The following EXOC6B variants were observed in gnomAD, a reference collection of about 807,000 sequenced individuals.
The protein encoded by EXOC6B is exocyst complex component 6B, also known as SEC15 homolog B.
In EXOC6B, 54 loss-of-function variants were observed where a neutral mutation model predicts 113.5. The observed-to-expected ratio is 0.48, with a 90% CI of 0.38 to 0.60. The LOEUF (loss-of-function observed/expected upper bound fraction) is 0.60. Ranked by LOEUF, EXOC6B falls within the 20% of genes least tolerant of loss-of-function variation. The probability of loss-of-function intolerance (pLI) is 0.00; values close to 1 mark genes in which losing one functional copy is unlikely to be tolerated. For missense variants in EXOC6B, 797 were observed against 977.5 expected (o/e 0.82, Z 2.46); for synonymous variants, 357 against 339.0 (o/e 1.05, Z -0.58).
chr2:72,425,153 C>T (rs1695133412), intron 18 of EXOC6B, among the ~76,000 whole-genome samples: 1 of 152,144 alleles, frequency 6.6e-6, no homozygotes, highest in African/African-American at 2.4e-5. Flanking sequence ...TTTCTATTGC[C>T]TCCTTACCTG....
intron 6 of EXOC6B, among the ~76,000 whole-genome samples, chr2:72,615,744 A>G (rs1376661240): frequency 9.9e-5 from 15 of 152,166 alleles, no homozygotes; most frequent in Admixed American, 9.2e-4. Context: ...TTTAGAGTAT[A>G]GTCCTACTTA....
At chr2:72,688,947 A>G (rs944655099) in intron 6 of EXOC6B, among the ~76,000 whole-genome samples, 1 of 152,218 alleles carries the variant, frequency 6.6e-6, no homozygotes, top group Admixed American at 6.5e-5. Context: ...GTTAAATATT[A>G]GTCATCTCTG....
At chr2:72,466,501 T>C (rs1399624411) in intron 17 of EXOC6B, among the ~76,000 whole-genome samples, 1 of 152,156 alleles carries the variant, frequency 6.6e-6, no homozygotes, top group African/African-American at 2.4e-5. Flanking sequence ...GAAAATGAGT[T>C]CTGTAAATTA....
At chr2:72,781,056 C>T (rs1026459286) in intron 1 of EXOC6B, among the ~76,000 whole-genome samples, 1 of 152,166 alleles carries the variant, frequency 6.6e-6, no homozygotes, top group Non-Finnish European at 1.5e-5. Flanking sequence ...ATTAATCTTT[C>T]TGTCATAAAG....
At chr2:72,295,156 G>A (rs150344608) in intron 20 of EXOC6B, among the ~76,000 whole-genome samples, 1 of 150,310 alleles carries the variant, frequency 6.7e-6, no homozygotes, top group Admixed American at 6.6e-5. Flanking sequence ...GCTTGAACCC[G>A]GGAGGTGGAG....
chr2:72,384,324 T>TA (rs1008488694), intron 18 of EXOC6B, among the ~76,000 whole-genome samples: 1 of 151,706 alleles, frequency 6.6e-6, no homozygotes, highest in Admixed American at 6.6e-5. Flanking sequence ...CTTTCATGAT[T>TA]AAAAAAAAGC....
At chr2:72,573,872 T>C (rs1301110307) in intron 7 of EXOC6B, among the ~76,000 whole-genome samples, 1 of 152,132 alleles carries the variant, frequency 6.6e-6, no homozygotes, top group African/African-American at 2.4e-5. Flanking sequence ...TCCCAGCAAT[T>C]TAGGAGTCCG....
intron 20 of EXOC6B, among the ~76,000 whole-genome samples, chr2:72,301,090 C>T: frequency 6.9e-6 from 1 of 144,184 alleles, no homozygotes; most frequent in East Asian, 1.9e-4. Flanking sequence ...TACTGCATCT[C>T]TTGATATAAT....
chr2:72,631,426 G>GTGTGTATATATATA (rs1290760055), intron 6 of EXOC6B, among the ~76,000 whole-genome samples: 1 of 28,164 alleles, frequency 3.6e-5, no homozygotes, highest in African/African-American at 1.2e-4. Flanking sequence ...GTGTGTGTGT[G>GTGTGTATATATATA]TATATATATA....
chr2:72,636,365 G>C (rs567745797), intron 6 of EXOC6B, among the ~76,000 whole-genome samples: 4 of 122,016 alleles, frequency 3.3e-5, no homozygotes, highest in African/African-American at 1.7e-4. Flanking sequence ...AGGAAGGAAG[G>C]AAGGAAGCAA....
intron 7 of EXOC6B, among the ~76,000 whole-genome samples, chr2:72,573,145 G>A (rs1437305278): frequency 1.3e-5 from 2 of 152,120 alleles, no homozygotes; most frequent in Non-Finnish European, 2.9e-5. Context: ...ATAGGTCAAT[G>A]ATAAAGAATG....
chr2:72,441,605 T>G (rs1355291716), intron 18 of EXOC6B, among the ~76,000 whole-genome samples: 2 of 152,160 alleles, frequency 1.3e-5, no homozygotes, highest in African/African-American at 4.8e-5. Flanking sequence ...CAGAGAATAT[T>G]ATAAACACCT....
chr2:72,664,205 G>A (rs972345310), intron 6 of EXOC6B, among the ~76,000 whole-genome samples: 1 of 152,002 alleles, frequency 6.6e-6, no homozygotes, highest in East Asian at 1.9e-4. Flanking sequence ...GACACAGCAA[G>A]GAAGTGCTGC....
At chr2:72,640,983 A>AG (rs1346342059) in intron 6 of EXOC6B, among the ~76,000 whole-genome samples, 1 of 152,252 alleles carries the variant, frequency 6.6e-6, no homozygotes, top group Non-Finnish European at 1.5e-5. Context: ...AAGTGCTTAA[A>AG]GGCCTTCAAA....
chr2:72,373,835 C>T (rs1406604425), intron 19 of EXOC6B, among the ~76,000 whole-genome samples: 1 of 152,082 alleles, frequency 6.6e-6, no homozygotes, highest in Non-Finnish European at 1.5e-5. Flanking sequence ...TTAGTATAAC[C>T]ACTATGGAGA....
chr2:72,380,694 G>GA (rs1691628890), intron 18 of EXOC6B, among the ~76,000 whole-genome samples: 8 of 151,950 alleles, frequency 5.3e-5, no homozygotes, highest in Admixed American at 5.2e-4. Context: ...AAGATTACCT[G>GA]AAAAAAATAA....
chr2:72,500,544 C>G (rs1700260031), intron 11 of EXOC6B, among the ~76,000 whole-genome samples: 1 of 151,216 alleles, frequency 6.6e-6, no homozygotes, highest in Admixed American at 6.6e-5. Context: ...AAAATAAAAT[C>G]AATTAAATAA....
intron 18 of EXOC6B, among the ~76,000 whole-genome samples, chr2:72,401,547 GTATA>G (rs1199841154): frequency 0.032 from 654 of 20,564 alleles, 57 homozygotes; most frequent in Admixed American, 0.072. Flanking sequence ...ATATATATGT[GTATA>G]TATATATATA....
intron 8 of EXOC6B, among the ~76,000 whole-genome samples, chr2:72,533,769 T>A (rs1175335497): frequency 6.6e-6 from 1 of 152,182 alleles, no homozygotes; most frequent in East Asian, 1.9e-4. Flanking sequence ...CCAAAATTAA[T>A]GAAAAATAAT....
Sources: allele counts gnomAD v4.1 joint callset (sites outside exome capture counted in the v4.1 genomes callset), GRCh38; gene constraint gnomAD v4.1.1; transcripts MANE v1.5; gene names NCBI Gene and HGNC (gene_info 2026-07-23, HGNC 2026-07-21).